LOC128462377: variants seen among roughly 807,000 people sequenced by gnomAD.
the LOC128462377 span, among the ~76,000 whole-genome samples, chr16:89,348,503 G>A: frequency 6.6e-6 from 1 of 152,134 alleles, no homozygotes; most frequent in Non-Finnish European, 1.5e-5. Context: ...TGTTGTGGAA[G>A]GGCTTCTATA....
chr16:89,370,032 C>T, the LOC128462377 span, among the ~76,000 whole-genome samples: 589 of 152,346 alleles, frequency 3.9e-3, 2 homozygotes, highest in African/African-American at 0.014. Context: ...CCAAGACCAT[C>T]CAGTAACGAG....
the LOC128462377 span, among the ~76,000 whole-genome samples, chr16:89,365,039 A>C: frequency 6.6e-6 from 1 of 152,236 alleles, no homozygotes; most frequent in Non-Finnish European, 1.5e-5. Flanking sequence ...ATTCTGTTTT[A>C]TAGGTAACAA....
the LOC128462377 span, among the ~76,000 whole-genome samples, chr16:89,359,532 TC>T: frequency 6.6e-6 from 1 of 152,208 alleles, no homozygotes; most frequent in African/African-American, 2.4e-5. Flanking sequence ...ACCTCCTTGT[TC>T]CGGCCCTGCA....
At chr16:89,388,243 C>G in the LOC128462377 span, among the ~76,000 whole-genome samples, 1 of 151,684 alleles carries the variant, frequency 6.6e-6, no homozygotes, top group African/African-American at 2.4e-5. Context: ...TCACCCTGCT[C>G]CAGGGCCCAC....
the LOC128462377 span, among the ~76,000 whole-genome samples, chr16:89,380,376 T>A: frequency 1.9e-4 from 29 of 152,284 alleles, no homozygotes; most frequent in African/African-American, 6.7e-4. Flanking sequence ...CCTCCCAAAG[T>A]GCTGGGATTA....
At chr16:89,403,126 G>A in the LOC128462377 span, among the ~76,000 whole-genome samples, 11 of 152,294 alleles carry the variant, frequency 7.2e-5, no homozygotes, top group South Asian at 2.1e-4. Flanking sequence ...TCAGCGTGAC[G>A]TGCCCTCGTG....
the LOC128462377 span, among the ~76,000 whole-genome samples, chr16:89,383,067 G>A: frequency 6.6e-5 from 10 of 152,284 alleles, no homozygotes; most frequent in South Asian, 4.1e-4. Flanking sequence ...TACCTCTCTC[G>A]TCTGGATTCA....
the LOC128462377 span, among the ~76,000 whole-genome samples, chr16:89,355,128 C>A: frequency 7.8e-4 from 119 of 152,284 alleles, no homozygotes; most frequent in African/African-American, 2.7e-3. Flanking sequence ...TGTGGTCTCC[C>A]GTCTGGCCAA....
the LOC128462377 span, among the ~76,000 whole-genome samples, chr16:89,346,612 T>A: frequency 6.6e-6 from 1 of 152,110 alleles, no homozygotes; most frequent in Non-Finnish European, 1.5e-5. Context: ...GCCTTCAATC[T>A]GGGAATTAAG....
chr16:89,390,111 G>A, the LOC128462377 span, among the ~76,000 whole-genome samples: 3 of 54,652 alleles, frequency 5.5e-5, no homozygotes, highest in Admixed American at 1.6e-4. Flanking sequence ...TCACTGGGGC[G>A]AACACCGAGT....
At chr16:89,346,012 C>G in the LOC128462377 span, among the ~76,000 whole-genome samples, 4 of 151,904 alleles carry the variant, frequency 2.6e-5, no homozygotes, top group Non-Finnish European at 5.9e-5. Flanking sequence ...GAGGCCAAAG[C>G]AGGCGGATCA....
At chr16:89,345,865 A>G in the LOC128462377 span, among the ~76,000 whole-genome samples, 1 of 152,206 alleles carries the variant, frequency 6.6e-6, no homozygotes, top group African/African-American at 2.4e-5. Flanking sequence ...GTGAGCCACT[A>G]TAATATGGCA....
the LOC128462377 span, among the ~76,000 whole-genome samples, chr16:89,320,793 G>C: frequency 1.8e-4 from 28 of 152,370 alleles, no homozygotes; most frequent in African/African-American, 6.7e-4. Flanking sequence ...CTGGGATCCA[G>C]GGCCAGCTGA....
the LOC128462377 span, among the ~76,000 whole-genome samples, chr16:89,351,496 G>A: frequency 5.3e-5 from 8 of 152,152 alleles, no homozygotes; most frequent in Admixed American, 1.3e-4. Context: ...ATAAATATAC[G>A]TATTCAAAGA....
the LOC128462377 span, among the ~76,000 whole-genome samples, chr16:89,386,112 C>T: frequency 2.0e-5 from 3 of 152,206 alleles, no homozygotes; most frequent in Admixed American, 1.3e-4. Context: ...CTCAGATTTT[C>T]GTTTTTAAGT....
At chr16:89,391,096 T>C in the LOC128462377 span, among the ~76,000 whole-genome samples, 3 of 151,716 alleles carry the variant, frequency 2.0e-5, no homozygotes, top group Non-Finnish European at 2.9e-5. Context: ...GGCGCGGTGG[T>C]GGGCGCCTGT....
the LOC128462377 span, among the ~76,000 whole-genome samples, chr16:89,383,111 C>T: frequency 6.6e-6 from 1 of 152,238 alleles, no homozygotes; most frequent in Non-Finnish European, 1.5e-5. Context: ...GTTTTAAAAG[C>T]TGGGTGTGCT....
the LOC128462377 span, among the ~76,000 whole-genome samples, chr16:89,387,266 A>G: frequency 6.6e-6 from 1 of 151,306 alleles, no homozygotes. Context: ...GAGAGGCCTG[A>G]ATGGTGGGAG....
At chr16:89,349,861 AACACAC>A in the LOC128462377 span, among the ~76,000 whole-genome samples, 8,491 of 133,088 alleles carry the variant, frequency 0.064, 254 homozygotes, top group Non-Finnish European at 0.073. Flanking sequence ...TACTTGTTAA[AACACAC>A]ACACACACAC....
Sources: gnomAD v4.1 joint callset for allele counts (sites outside exome capture counted in the v4.1 genomes callset) on GRCh38, gnomAD v4.1.1 for gene constraint, MANE v1.5 for transcripts.